The following CARF variants were observed in gnomAD, a reference collection of about 807,000 sequenced individuals.
CARF encodes calcium-responsive transcription factor.
A neutral mutation model predicts 82.0 loss-of-function variants in CARF; 57 were observed. The observed-to-expected ratio is 0.70, with a 90% confidence interval of 0.56 to 0.87. The LOEUF (loss-of-function observed/expected upper bound fraction) is 0.87, where lower values mean the gene tolerates loss of function less well. CARF is among the 40% of genes least tolerant of loss of function. The pLI is 0.00. For missense variants in CARF, 771 were observed against 855.8 expected (o/e 0.90, Z 1.24); for synonymous variants, 268 against 290.1 (o/e 0.92, Z 0.77).
rs1009794883 is a variant in CARF, at chr2:202,970,318, C to T, written c.1097+256C>T. Among the ~76,000 whole-genome samples, 11 of 152,094 alleles carry T rather than the reference C, an allele frequency of 7.2e-5. No individual in the cohort carries two copies. The East Asian group carries it at 2.1e-3, about 29-fold the overall frequency. Reference sequence around the variant, plus strand: ...TAGCATATACTCTGTATACCATATACCATGTAAAAGCTTTTTCTCAAAATG... The same window carrying T: ...TAGCATATACTCTGTATACCATATATCATGTAAAAGCTTTTTCTCAAAATG... On this transcript the variant is annotated intron_variant, in intron 11 of 16. Transcript: ENST00000438828.
intron 5 of CARF, 67 bp downstream of exon 5, chr2:202,943,034 C>A: frequency 8.3e-7 from 1 of 1,206,300 alleles, no homozygotes; most frequent in Non-Finnish European, 1.2e-6. Flanking sequence ...TACTAAATGA[C>A]CTTAATTTCT....
At chr2:202,968,438 A>G (rs536609729) in intron 10 of CARF, among the ~76,000 whole-genome samples, 1 of 152,266 alleles carries the variant, frequency 6.6e-6, no homozygotes, top group East Asian at 1.9e-4. Flanking sequence ...TAGCATTCTC[A>G]AGAAGTTTTT....
intron 5 of CARF, among the ~76,000 whole-genome samples, chr2:202,943,581 G>T (rs2058337328): frequency 1.2e-5 from 1 of 80,928 alleles, no homozygotes; most frequent in Non-Finnish European, 2.4e-5. Flanking sequence ...TACATTTAAT[G>T]GAATGTACAC....
intron 4 of CARF, chr2:202,942,462 ATT>A (rs2058276570): frequency 3.2e-6 from 1 of 315,474 alleles, no homozygotes; most frequent in Non-Finnish European, 4.6e-6. Flanking sequence ...GCTAAGATAT[ATT>A]CATAAAAATT....
Position 202,976,334 on chromosome 2 carries a change from C to G in CARF, c.1495-935C>G, listed in dbSNP as rs560092071. The stretch of plus-strand genomic sequence containing the variant: ...GGATTACAGGTTTCAGCCACCATGC[C>G]CGGCTAATTTTTTTGTTTTTATTAG... On this transcript the variant is annotated intron_variant, in intron 13 of 16. Transcript: ENST00000438828. Among the ~76,000 whole-genome samples, 345 of 152,070 alleles carry G rather than the reference C, an allele frequency of 2.3e-3. 2 individuals are homozygous for G. The highest frequency in any genetic ancestry group is 7.8e-3 in the African/African-American group (325 of 41,478).
chr2:202,964,724 A>G (rs1369358412), intron 9 of CARF, among the ~76,000 whole-genome samples: 1 of 151,926 alleles, frequency 6.6e-6, no homozygotes, highest in Non-Finnish European at 1.5e-5. Flanking sequence ...TATATGGTCA[A>G]TCTTGTCTCA....
chr2:202,921,723 T>C (rs914054678), intron 2 of CARF, among the ~76,000 whole-genome samples: 3 of 152,216 alleles, frequency 2.0e-5, no homozygotes, highest in African/African-American at 7.2e-5. Flanking sequence ...AAAATGTCAA[T>C]AGTGATTTCT....
intron 5 of CARF, among the ~76,000 whole-genome samples, chr2:202,943,586 G>GCACA (rs1365037631): frequency 2.3e-5 from 1 of 42,632 alleles, no homozygotes; most frequent in Non-Finnish European, 4.7e-5. Context: ...TTAATGGAAT[G>GCACA]TACACACACA....
rs767807448 is a variant in CARF, at chr2:202,983,627, T to G, written c.*3T>G. On this transcript the variant is annotated 3_prime_UTR_variant, in exon 17 of 17. Transcript: ENST00000438828. Reference sequence around the variant, plus strand: ...ATAAGAAATTATCTGCTACATAAATTATTGAAGCTTTTCAGAATTTACAAC... The same window carrying G: ...ATAAGAAATTATCTGCTACATAAATGATTGAAGCTTTTCAGAATTTACAAC... The G allele has an allele frequency of 9.1e-6, 14 of 1,533,866 alleles. No homozygotes were observed. Among genetic ancestry groups the G allele is most frequent in the Non-Finnish European group, 1.8e-6 (2 of 1,111,996 alleles).
Position 202,952,691 on chromosome 2 carries a change from C to A in CARF, c.427+12C>A. 6.2e-7 allele frequency: 1 copy of A among 1,605,076 alleles called. No homozygotes were observed. The highest frequency in any genetic ancestry group is 1.1e-5 in the South Asian group (1 of 89,306). On this transcript the variant is annotated intron_variant, in intron 6 of 16. Coordinates refer to ENST00000438828, the MANE Select transcript of CARF (RefSeq NM_024744.17). ...GAATAGTCCTCGGGGTGAGTAACAA[C>A]GGGATATAGGGGATTTGAGAGTGTT...
At chr2:202,950,253 C>A (rs548163566) in intron 5 of CARF, among the ~76,000 whole-genome samples, 1 of 152,278 alleles carries the variant, frequency 6.6e-6, no homozygotes, top group Non-Finnish European at 1.5e-5. Context: ...GCTTGGGAAA[C>A]ATAGTTTCAA....
intron 9 of CARF, among the ~76,000 whole-genome samples, chr2:202,964,609 A>G (rs1277323148): frequency 1.3e-5 from 2 of 151,848 alleles, no homozygotes; most frequent in Non-Finnish European, 2.9e-5. Context: ...AGCCTTAAAA[A>G]ACCTTTACAT....
chr2:202,915,433 G>T (rs1689457976), intron 1 of CARF, among the ~76,000 whole-genome samples: 1 of 152,082 alleles, frequency 6.6e-6, no homozygotes, highest in African/African-American at 2.4e-5. Flanking sequence ...AGCTGCGATT[G>T]CAGGCTCCTG....
intron 6 of CARF, 74 bp downstream of exon 6, chr2:202,952,753 A>G (rs2058814830): frequency 6.9e-7 from 1 of 1,450,084 alleles, no homozygotes; most frequent in African/African-American, 1.4e-5. Flanking sequence ...TCACCTTATG[A>G]AAGTCAGTGC....
intron 10 of CARF, among the ~76,000 whole-genome samples, chr2:202,969,672 A>G (rs1002283694): frequency 2.0e-5 from 3 of 152,082 alleles, no homozygotes; most frequent in African/African-American, 7.2e-5. Context: ...AGAGAAGGCA[A>G]ATCTACGGGA....
At position 202,914,779 on chromosome 2, in the gene CARF, C is replaced by CAA. The variant is rs1251429747; in HGVS notation, c.-330+1688_-330+1689dup. Among the ~76,000 whole-genome samples the CAA allele has an allele frequency of 4.2e-3, 170 of 40,490 alleles. 4 individuals are homozygous for CAA. The highest frequency in any genetic ancestry group is 0.015 in the Middle Eastern group (1 of 68). The allele number at this position is 40,490 out of a possible 152,430, so 26.6% of individuals were successfully genotyped here. On this transcript the variant is annotated intron_variant, in intron 1 of 16. Transcript: ENST00000438828. ...GGGCAAAAAGAGTGAAACTCCATCT[C>CAA]AAAAAAAAAAAACAAACAAAAAATC...
intron 3 of CARF, among the ~76,000 whole-genome samples, chr2:202,930,039 G>A (rs558090235): frequency 6.6e-6 from 1 of 152,072 alleles, no homozygotes; most frequent in African/African-American, 2.4e-5. Flanking sequence ...TTCAATGTGT[G>A]TGGGGGGTTT....
intron 3 of CARF, among the ~76,000 whole-genome samples, chr2:202,932,480 G>T (rs1693117180): frequency 6.6e-6 from 1 of 152,092 alleles, no homozygotes; most frequent in African/African-American, 2.4e-5. Context: ...AAGCCTAGGG[G>T]AACGGAGGGG....
intron 3 of CARF, chr2:202,924,994 C>G (rs1378072312): frequency 2.6e-6 from 1 of 379,384 alleles, no homozygotes; most frequent in Non-Finnish European, 5.1e-6. Context: ...GAACAAGATA[C>G]TGGAGACCAA....
Sources: allele counts gnomAD v4.1 joint callset (sites outside exome capture counted in the v4.1 genomes callset), GRCh38; gene constraint gnomAD v4.1.1; transcripts MANE v1.5; gene names NCBI Gene and HGNC (gene_info 2026-07-23, HGNC 2026-07-21).